The following DZIP1L variants were observed in gnomAD, a reference collection of about 807,000 sequenced individuals.
The protein encoded by DZIP1L is DAZ interacting zinc finger protein 1 like.
A neutral mutation model predicts 88.7 loss-of-function variants in DZIP1L; 90 were observed. That is an observed-to-expected ratio of 1.02 (90% CI 0.86 to 1.21). The LOEUF (loss-of-function observed/expected upper bound fraction) is 1.21. Among genes scored for constraint, DZIP1L ranks in the 50% most tolerant of loss-of-function variants. DZIP1L has a pLI of 0.00. For missense variants in DZIP1L, 932 were observed against 955.8 expected (o/e 0.98, Z 0.33); for synonymous variants, 363 against 372.1 (o/e 0.98, Z 0.28).
intron 4 of DZIP1L, among the ~76,000 whole-genome samples, chr3:138,094,034 A>C (rs1229993089): frequency 6.6e-6 from 1 of 152,234 alleles, no homozygotes; most frequent in Non-Finnish European, 1.5e-5. Context: ...AGCTTTCGAC[A>C]TGCCTTCATC....
intron 2 of DZIP1L, chr3:138,102,527 T>C (rs2042352063): frequency 3.7e-6 from 5 of 1,364,180 alleles, no homozygotes; most frequent in African/African-American, 1.4e-5. Flanking sequence ...CTCTGAGCCG[T>C]CTTCTGCTGC....
intron 7 of DZIP1L, among the ~76,000 whole-genome samples, chr3:138,086,345 G>A (rs1943939206): frequency 6.6e-6 from 1 of 151,768 alleles, no homozygotes; most frequent in Admixed American, 6.6e-5. Flanking sequence ...ACACCAGAGT[G>A]AGGAGCTCTA....
rs140742276 is a variant in DZIP1L at position 138,084,584 on chromosome 3, T to C, written c.1063-331A>G. ...AAGAGGTGAAGAAAACAAGTTAACA[T>C]GCTACTTCTGATGTAATAGCAGAAA... is the stretch of plus-strand genomic sequence containing the variant. On this transcript the variant is annotated intron_variant, in intron 7 of 15. Transcript: ENST00000327532. 8.1e-4 allele frequency among the ~76,000 whole-genome samples: 124 copies of C among 152,334 alleles called. 3 individuals are homozygous for C. In the East Asian group the frequency reaches 0.023, roughly 28 times the overall value.
chr3:138,069,584 A>G (rs1319354650), intron 12 of DZIP1L, among the ~76,000 whole-genome samples: 1 of 152,224 alleles, frequency 6.6e-6, no homozygotes, highest in Non-Finnish European at 1.5e-5. Context: ...GGGGGAAAAT[A>G]ACAATAGCTT....
rs78556902 is a variant in DZIP1L, at chr3:138,098,036, C to T, written c.502-189G>A. 0.038 allele frequency among the ~76,000 whole-genome samples: 5,816 copies of T among 152,334 alleles called. 162 individuals are homozygous for T. The highest frequency in any genetic ancestry group is 0.071 in the Middle Eastern group (21 of 294). Reference sequence around the variant, plus strand: ...CTAGGATCACCGGAGCTTTAAAATACTACCAGTGTCCCGGGAAACTGTCAA... The same window carrying T: ...CTAGGATCACCGGAGCTTTAAAATATTACCAGTGTCCCGGGAAACTGTCAA... On this transcript the variant is annotated intron_variant, in intron 2 of 15. Transcript: ENST00000327532.
Position 138,071,824 on chromosome 3 carries a change from T to A in DZIP1L, c.1434A>T (p.Gly478=). ...ESMGIRKDAK[G]ISIQTLRHLE... ...GGTGTCTGAGAGTCTGAATCGAGAT[T>A]CCCTTTGCATCCTAGAGGAGACAGG... The change falls in exon 12 of 16, where the codon GGA becomes GGT. Residue 478 remains glycine (G), a synonymous_variant. Coordinates refer to ENST00000327532, the MANE Select transcript of DZIP1L (RefSeq NM_173543.3). The A allele has an allele frequency of 2.6e-5, 42 of 1,612,940 alleles. No individual in the cohort carries two copies. Among genetic ancestry groups the A allele is most frequent in the African/African-American group, 6.7e-5 (5 of 75,008 alleles).
At chr3:138,064,993 T>C (rs1325214707) in intron 14 of DZIP1L, among the ~76,000 whole-genome samples, 1 of 152,202 alleles carries the variant, frequency 6.6e-6, no homozygotes, top group African/African-American at 2.4e-5. Flanking sequence ...GCAAACTTAA[T>C]GACATGGCTA....
chr3:138,085,961 C>G (rs1943912532), intron 7 of DZIP1L, among the ~76,000 whole-genome samples: 1 of 152,126 alleles, frequency 6.6e-6, no homozygotes, highest in Non-Finnish European at 1.5e-5. Context: ...TTTGTAGGGA[C>G]ATGGATGAAA....
intron 8 of DZIP1L, 90 bp from the exon 9 acceptor site, chr3:138,081,854 A>T: frequency 7.2e-7 from 1 of 1,388,696 alleles, no homozygotes; most frequent in Non-Finnish European, 9.9e-7. Flanking sequence ...CACAGTGAGG[A>T]AGGGATGGCT....
At chr3:138,101,732 G>A (rs761161919) in intron 2 of DZIP1L, 48 of 886,996 alleles carry the variant, frequency 5.4e-5, no homozygotes, top group Admixed American at 1.0e-4. Context: ...GACTCCAGCC[G>A]GCTTTCCTTG....
chr3:138,095,651 G>A (rs974769022), intron 3 of DZIP1L, among the ~76,000 whole-genome samples: 6 of 152,014 alleles, frequency 3.9e-5, no homozygotes, highest in South Asian at 2.1e-4. Flanking sequence ...GTGTGGTGGC[G>A]GGTGCCTATA....
chr3:138,071,808 G>A lies in DZIP1L; in HGVS notation c.1450C>T (p.Leu484Phe), dbSNP rs1943193746. The change falls in exon 12 of 16, where the codon CTC (leucine) becomes TTC (phenylalanine). Residue 484 changes from leucine (L) to phenylalanine (F), a missense_variant. Leu to Phe is a conservative substitution (Grantham distance 22). Coordinates refer to ENST00000327532, the MANE Select transcript of DZIP1L (RefSeq NM_173543.3). The part of the protein sequence containing the change: ...KDAKGISIQT[L>F]RHLESLLRVQ... ...CTCAGCAGGGATTCCAGGTGTCTGA[G>A]AGTCTGAATCGAGATTCCCTTTGCA... The A allele has an allele frequency of 6.2e-7, 1 of 1,613,912 alleles. No homozygotes were observed. Among genetic ancestry groups the A allele is most frequent in the East Asian group, 2.2e-5 (1 of 44,856 alleles).
At chr3:138,075,066 T>A (rs1415394386) in intron 11 of DZIP1L, among the ~76,000 whole-genome samples, 1 of 152,178 alleles carries the variant, frequency 6.6e-6, no homozygotes, top group Non-Finnish European at 1.5e-5. Flanking sequence ...ACAGGGACAT[T>A]ACATAATGAT....
intron 2 of DZIP1L, among the ~76,000 whole-genome samples, chr3:138,099,849 C>A (rs1345365920): frequency 6.6e-6 from 1 of 152,188 alleles, no homozygotes; most frequent in African/African-American, 2.4e-5. Flanking sequence ...CTTGAACCTT[C>A]CAGCCAGCAG....
intron 2 of DZIP1L, among the ~76,000 whole-genome samples, chr3:138,100,139 G>A (rs1228063137): frequency 6.6e-6 from 1 of 152,144 alleles, no homozygotes; most frequent in Non-Finnish European, 1.5e-5. Context: ...TGGGTAGAGG[G>A]TTGGAACTTT....
intron 5 of DZIP1L, among the ~76,000 whole-genome samples, chr3:138,091,644 GGAGGGAGGAAGGAAGGAAGGGAGGGAGA>G (rs1944232617): frequency 1.1e-5 from 1 of 87,368 alleles, no homozygotes; most frequent in Non-Finnish European, 2.4e-5. Context: ...GGGGAGGGAG[GGAGGGAGGAAGGAAGGAAGGGAGGGAGA>G]GAGGGAGGGA....
At chr3:138,064,518 C>A (rs1416021433) in intron 15 of DZIP1L, 110 bp downstream of exon 15, 1 of 1,612,802 alleles carries the variant, frequency 6.2e-7, no homozygotes, top group Admixed American at 1.7e-5. Flanking sequence ...CCCACTAGGG[C>A]AAAGGATGAC....
intron 11 of DZIP1L, 139 bp downstream of exon 11, chr3:138,077,360 A>G (rs2107760889): frequency 7.8e-7 from 1 of 1,277,204 alleles, no homozygotes; most frequent in East Asian, 2.4e-5. Flanking sequence ...AGGCGTGCAG[A>G]TGCCAGAGGA....
At chr3:138,088,247 CT>C in intron 6 of DZIP1L, 131 bp downstream of exon 6, 1 of 1,272,838 alleles carries the variant, frequency 7.9e-7, no homozygotes, top group Non-Finnish European at 1.0e-6. Flanking sequence ...CTTTCATGTA[CT>C]GGCAGAAGGT....
Sources: allele counts gnomAD v4.1 joint callset (sites outside exome capture counted in the v4.1 genomes callset), GRCh38; gene constraint gnomAD v4.1.1; transcripts MANE v1.5; gene names NCBI Gene and HGNC (gene_info 2026-07-23, HGNC 2026-07-21).